Variants in ASPRV1 observed in about 807,000 individuals in gnomAD.
The protein encoded by ASPRV1 is aspartic peptidase retroviral like 1.
In ASPRV1, 7 loss-of-function variants were observed where a neutral mutation model predicts 11.0. That is an observed-to-expected ratio of 0.64 (90% CI 0.36 to 1.20). The LOEUF is 1.20. Ranked by LOEUF, ASPRV1 falls within the 50% of genes most tolerant of loss-of-function variation. The pLI, the probability that ASPRV1 is intolerant of heterozygous loss-of-function variation, is 0.02. For synonymous variants in ASPRV1, 136 were observed against 138.4 expected, an observed-to-expected ratio of 0.98 and a Z score of 0.12; for missense variants, 299 against 320.0, an observed-to-expected ratio of 0.93 and a Z score of 0.50.
the ASPRV1 span, among the ~76,000 whole-genome samples, chr2:69,979,112 G>A: frequency 6.6e-6 from 1 of 151,696 alleles, no homozygotes; most frequent in East Asian, 1.9e-4. Context: ...TCGGCTCACC[G>A]CAAGCTCCAC....
the ASPRV1 span, among the ~76,000 whole-genome samples, chr2:69,978,944 T>C: frequency 2.6e-5 from 4 of 152,134 alleles, no homozygotes; most frequent in African/African-American, 9.7e-5. Flanking sequence ...CATGTGTGTT[T>C]CAATGGTTGC....
At chr2:70,000,212 G>A in the ASPRV1 span, among the ~76,000 whole-genome samples, 3 of 151,808 alleles carry the variant, frequency 2.0e-5, no homozygotes, top group Non-Finnish European at 4.4e-5. Flanking sequence ...ATTGGGCAAG[G>A]TGGCTCACAC....
At chr2:69,988,692 A>G in the ASPRV1 span, 1 of 445,782 alleles carries the variant, frequency 2.2e-6, no homozygotes, top group Non-Finnish European at 4.5e-6. Flanking sequence ...TATGTTATAT[A>G]TATTTTACCA....
the ASPRV1 span, among the ~76,000 whole-genome samples, chr2:70,083,847 G>T: frequency 6.6e-6 from 1 of 152,154 alleles, no homozygotes. Context: ...TTTATAAAAG[G>T]GAGAACTGAA....
At chr2:69,952,841 T>C in the ASPRV1 span, among the ~76,000 whole-genome samples, 1 of 152,142 alleles carries the variant, frequency 6.6e-6, no homozygotes. Context: ...CTTAGACCTG[T>C]CCCTCTCTCA....
chr2:69,989,545 C>T, the ASPRV1 span, among the ~76,000 whole-genome samples: 3,041 of 152,316 alleles, frequency 0.02, 94 homozygotes, highest in African/African-American at 0.069. Flanking sequence ...CTTGGACCTG[C>T]CCAGCCAGCC....
chr2:69,981,055 C>A, the ASPRV1 span, among the ~76,000 whole-genome samples: 2 of 152,330 alleles, frequency 1.3e-5, no homozygotes, highest in East Asian at 1.9e-4. Context: ...GGATTACAGG[C>A]GTGAGCCACT....
chr2:69,982,208 G>A, the ASPRV1 span, among the ~76,000 whole-genome samples: 2 of 151,996 alleles, frequency 1.3e-5, no homozygotes, highest in South Asian at 4.2e-4. Flanking sequence ...GCTAGGCATG[G>A]TGGCTCATGC....
At chr2:70,073,594 C>T in the ASPRV1 span, among the ~76,000 whole-genome samples, 5 of 152,026 alleles carry the variant, frequency 3.3e-5, no homozygotes, top group Non-Finnish European at 5.9e-5. Context: ...TTAAAACTAG[C>T]AGCTTAACAA....
At chr2:70,018,780 G>A in the ASPRV1 span, among the ~76,000 whole-genome samples, 1 of 152,036 alleles carries the variant, frequency 6.6e-6, no homozygotes, top group African/African-American at 2.4e-5. Context: ...AAATAAAAGT[G>A]GATTAAAGAC....
the ASPRV1 span, among the ~76,000 whole-genome samples, chr2:70,067,360 G>T: frequency 6.6e-6 from 1 of 152,214 alleles, no homozygotes; most frequent in African/African-American, 2.4e-5. Flanking sequence ...CATCCCAGTG[G>T]GGTTGTAAGC....
upstream of ASPRV1, among the ~76,000 whole-genome samples, chr2:69,965,414 TACACTA>T (rs564303212): frequency 3.5e-3 from 525 of 151,428 alleles, 3 homozygotes; most frequent in Non-Finnish European, 5.4e-3. Context: ...ATGCATAAAA[TACACTA>T]ACACTAACGA....
At chr2:70,033,069 G>C in the ASPRV1 span, among the ~76,000 whole-genome samples, 1 of 152,086 alleles carries the variant, frequency 6.6e-6, no homozygotes, top group Non-Finnish European at 1.5e-5. Context: ...CCTATCCCAA[G>C]TTCTATGAGA....
chr2:70,018,726 G>C, the ASPRV1 span, among the ~76,000 whole-genome samples: 1 of 152,158 alleles, frequency 6.6e-6, no homozygotes, highest in African/African-American at 2.4e-5. Context: ...TTCAAATACA[G>C]AAGAATGAAA....
chr2:70,010,253 G>A, the ASPRV1 span, among the ~76,000 whole-genome samples: 47 of 152,238 alleles, frequency 3.1e-4, no homozygotes, highest in African/African-American at 1.1e-3. Context: ...CTCTAAGGAC[G>A]TGATAAGGGC....
At chr2:69,938,378 A>G in the ASPRV1 span, 1 of 1,343,844 alleles carries the variant, frequency 7.4e-7, no homozygotes, top group Non-Finnish European at 1.0e-6. Flanking sequence ...CTTGCACGTA[A>G]ACTTCAGTGT....
the ASPRV1 span, among the ~76,000 whole-genome samples, chr2:69,971,990 G>A: frequency 6.6e-6 from 1 of 152,190 alleles, no homozygotes; most frequent in Non-Finnish European, 1.5e-5. Flanking sequence ...GGCTTAGCCA[G>A]TACTGCACCT....
downstream of ASPRV1, among the ~76,000 whole-genome samples, chr2:69,958,645 A>G (rs534632934): frequency 3.9e-5 from 6 of 152,272 alleles, no homozygotes; most frequent in Non-Finnish European, 8.8e-5. Flanking sequence ...CTGGAGGAAA[A>G]TAAGTCACAG....
the ASPRV1 span, among the ~76,000 whole-genome samples, chr2:70,086,780 T>G: frequency 6.6e-6 from 1 of 152,236 alleles, no homozygotes; most frequent in Non-Finnish European, 1.5e-5. Context: ...ATTATGTAAA[T>G]GGACGCCATT....
Sources: gnomAD v4.1 joint callset for allele counts (sites outside exome capture counted in the v4.1 genomes callset) on GRCh38, gnomAD v4.1.1 for gene constraint, MANE v1.5 for transcripts, NCBI Gene and HGNC (gene_info 2026-07-23, HGNC 2026-07-21) for gene names.